Variants in ADIPOR1 observed in about 807,000 individuals in gnomAD.
The protein encoded by ADIPOR1 is adiponectin receptor 1.
In ADIPOR1, 15 loss-of-function variants were observed where a neutral mutation model predicts 37.5. That is an observed-to-expected ratio of 0.40 (90% CI 0.27 to 0.62). The LOEUF (loss-of-function observed/expected upper bound fraction) is 0.62, where lower values mean the gene tolerates loss of function less well. Ranked by LOEUF, ADIPOR1 falls within the 20% of genes least tolerant of loss-of-function variation. ADIPOR1 has a pLI of 0.42. For missense variants in ADIPOR1, 286 were observed against 478.0 expected (o/e 0.60, Z 3.75); for synonymous variants, 173 against 173.2 (o/e 1.00, Z 0.01).
intron 6 of ADIPOR1, 49 bp downstream of exon 6, chr1:202,943,709 G>A: frequency 6.3e-7 from 1 of 1,584,076 alleles, no homozygotes; most frequent in South Asian, 1.1e-5. Flanking sequence ...GAGCCTATCA[G>A]GCCTAAGGTC....
intron 2 of ADIPOR1, among the ~76,000 whole-genome samples, chr1:202,949,579 C>CAAAA (rs57643319): frequency 1.2e-4 from 12 of 99,086 alleles, no homozygotes; most frequent in African/African-American, 2.2e-4. Flanking sequence ...ACTCTGTCTC[C>CAAAA]AAAAAAAAAA....
At chr1:202,942,789 T>C (rs1654148142) in intron 6 of ADIPOR1, among the ~76,000 whole-genome samples, 1 of 152,184 alleles carries the variant, frequency 6.6e-6, no homozygotes, top group Admixed American at 6.5e-5. Context: ...TAAATACCTT[T>C]GTTTAAGCAC....
chr1:202,956,123 A>G (rs1464881553), intron 1 of ADIPOR1, among the ~76,000 whole-genome samples: 1 of 152,250 alleles, frequency 6.6e-6, no homozygotes. Flanking sequence ...AACTTTTAGC[A>G]TGGTGAGAGG....
At chr1:202,950,088 G>A (rs1467969148) in intron 2 of ADIPOR1, among the ~76,000 whole-genome samples, 6 of 151,924 alleles carry the variant, frequency 3.9e-5, no homozygotes, top group Non-Finnish European at 8.8e-5. Flanking sequence ...TCAGCCTCCC[G>A]AGTAGCTGGG....
chr1:202,941,419 G>T lies in ADIPOR1; in HGVS notation c.*154C>A. On this transcript the variant is annotated 3_prime_UTR_variant, in exon 8 of 8. Transcript: ENST00000340990. Reference sequence around the variant, plus strand: ...GGAAATGGAAAGTTTATTGCCCAGTGGGTGTGAAAGTGGGCTGAAGCTTGG... The same window carrying T: ...GGAAATGGAAAGTTTATTGCCCAGTTGGTGTGAAAGTGGGCTGAAGCTTGG... The T allele has an allele frequency of 3.5e-6, 3 of 859,340 alleles. No individual in the cohort carries two copies. Among genetic ancestry groups the T allele is most frequent in the Non-Finnish European group, 5.1e-6 (3 of 592,774 alleles). The allele number at this position is 859,340 out of a possible 1,614,324, so 53.2% of individuals were successfully genotyped here.
chr1:202,949,107 G>A (rs1340429032), intron 2 of ADIPOR1, among the ~76,000 whole-genome samples: 3 of 151,464 alleles, frequency 2.0e-5, no homozygotes, highest in South Asian at 2.1e-4. Context: ...TCAAAACAAC[G>A]AAAAAGACAC....
Position 202,947,522 on chromosome 1 carries a change from A to AATAT in ADIPOR1, c.258+778_258+781dup, listed in dbSNP as rs557101134. Reference sequence around the variant, plus strand: ...CAAGAGCAAAACTCTGTCTCAAAAAAATATATATATATATATGGTACAACC... The same window carrying AATAT: ...CAAGAGCAAAACTCTGTCTCAAAAAAATATATATATATATATATATGGTACAACC... On this transcript the variant is annotated intron_variant, in intron 3 of 7. Coordinates refer to ENST00000340990, the MANE Select transcript of ADIPOR1 (RefSeq NM_015999.6). 5.3e-5 allele frequency among the ~76,000 whole-genome samples: 8 copies of AATAT among 150,782 alleles called. No individual in the cohort carries two copies. The South Asian group carries it at 1.3e-3, about 24-fold the overall frequency.
intron 1 of ADIPOR1, among the ~76,000 whole-genome samples, chr1:202,952,480 T>C: frequency 6.6e-6 from 1 of 152,224 alleles, no homozygotes; most frequent in East Asian, 1.9e-4. Context: ...AGTTCTTTTT[T>C]ATCTAAGAGT....
At position 202,948,418 on chromosome 1, in the gene ADIPOR1, A is replaced by G. The variant is rs2102488106; in HGVS notation, c.144T>C (p.Ala48=). 1.9e-6 allele frequency: 3 copies of G among 1,613,538 alleles called. No individual in the cohort carries two copies. Among genetic ancestry groups the G allele is most frequent in the Non-Finnish European group, 2.5e-6 (3 of 1,179,588 alleles). ...GCACTGGGCATGTTTGCTCTTCTTC[A>G]GCCTATGGGGGAAAAAACCCACAAC... ...GKRVIANPPK[A]EEEQTCPVPQ... is the part of the protein sequence containing the mutation. The change falls in exon 3 of 8, where the codon GCT becomes GCC. Residue 48 remains alanine, a splice_region_variant and synonymous_variant. Coordinates refer to ENST00000340990, the MANE Select transcript of ADIPOR1 (RefSeq NM_015999.6).
Position 202,945,020 on chromosome 1 carries a change from A to G in ADIPOR1, c.580T>C (p.Tyr194His). Residue 194 changes from tyrosine to histidine, a missense_variant, in exon 5 of 8, where the codon TAT becomes CAT. Coordinates refer to ENST00000340990, the MANE Select transcript of ADIPOR1 (RefSeq NM_015999.6). ...CGAGAGACTTTCTCTGAATGACAAT[A>G]GACGGTGTGAAAGAGCCAGGAGAAG... ...LSFSWLFHTV[Y>H]CHSEKVSRTF... 6.2e-7 allele frequency: 1 copy of G among 1,613,682 alleles called. No homozygotes were observed. Among genetic ancestry groups the G allele is most frequent in the Non-Finnish European group, 8.5e-7 (1 of 1,179,906 alleles).
In ADIPOR1 at chr1:202,941,425, G is replaced by A; in HGVS notation, c.*148C>T. ...GGAAAGTTTATTGCCCAGTGGGTGT[G>A]AAAGTGGGCTGAAGCTTGGTTGGTA... On this transcript the variant is annotated 3_prime_UTR_variant, in exon 8 of 8. Coordinates refer to ENST00000340990, the MANE Select transcript of ADIPOR1 (RefSeq NM_015999.6). The A allele has an allele frequency of 1.0e-6, 1 of 986,444 alleles. No homozygotes were observed. The highest frequency in any genetic ancestry group is 1.4e-6 in the Non-Finnish European group (1 of 702,054). The allele number at this position is 986,444 out of a possible 1,614,324, so 61.1% of individuals were successfully genotyped here. A position where few individuals can be genotyped will look rare whatever the true frequency, so the allele number is the denominator to read the frequency against.
intron 1 of ADIPOR1, among the ~76,000 whole-genome samples, chr1:202,956,503 T>G (rs1216859352): frequency 6.6e-6 from 1 of 152,200 alleles, no homozygotes; most frequent in African/African-American, 2.4e-5. Context: ...AAATGGTTGT[T>G]GGCCTCTAAA....
chr1:202,941,780 T>C, intron 7 of ADIPOR1, 79 bp from the exon 8 acceptor site: 1 of 1,528,380 alleles, frequency 6.5e-7, no homozygotes, highest in Non-Finnish European at 8.8e-7. Context: ...CATTTGCTTC[T>C]TCTAGTTTAT....
chr1:202,952,635 G>A (rs776219387), intron 1 of ADIPOR1, among the ~76,000 whole-genome samples: 1 of 152,100 alleles, frequency 6.6e-6, no homozygotes, highest in African/African-American at 2.4e-5. Context: ...TCCTGCCTTG[G>A]GATTCCGGGA....
Position 202,941,468 on chromosome 1 carries a change from T to C in ADIPOR1, c.*105A>G. The C allele has an allele frequency of 8.6e-6, 12 of 1,399,170 alleles. No individual in the cohort carries two copies. The highest frequency in any genetic ancestry group is 1.1e-5 in the Non-Finnish European group (11 of 1,045,752). The allele number at this position is 1,399,170 out of a possible 1,614,324, so 86.7% of individuals were successfully genotyped here. Reference sequence around the variant, plus strand: ...GGTTGGTACTGAATTCTCTAAGAGGTTTCTTCTAGAAACAGACAACTCAGA... The same window carrying C: ...GGTTGGTACTGAATTCTCTAAGAGGCTTCTTCTAGAAACAGACAACTCAGA... On this transcript the variant is annotated 3_prime_UTR_variant, in exon 8 of 8. Coordinates refer to ENST00000340990, the MANE Select transcript of ADIPOR1 (RefSeq NM_015999.6).
chr1:202,956,972 T>A (rs1654810546), intron 1 of ADIPOR1, among the ~76,000 whole-genome samples: 1 of 152,244 alleles, frequency 6.6e-6, no homozygotes. Flanking sequence ...TGCGGAGGTC[T>A]ACCATAACAT....
chr1:202,943,920 G>C lies in ADIPOR1; in HGVS notation c.643C>G (p.Leu215Val), dbSNP rs772408783. Reference sequence around the variant, plus strand: ...CAGGGGACAAAGCTCCCCATAATTAGAAGAGCAATCCCTGAATAGTCCAGT... The same window carrying C: ...CAGGGGACAAAGCTCCCCATAATTACAAGAGCAATCCCTGAATAGTCCAGT... Reference protein sequence around the residue: ...SKLDYSGIALLIMGSFVPWLY... With the variant: ...SKLDYSGIALVIMGSFVPWLY... The change falls in exon 6 of 8, where the codon CTA becomes GTA. Residue 215 changes from leucine (L) to valine (V), a missense_variant. Transcript: ENST00000340990. 1 of 1,613,740 alleles carries C rather than the reference G, an allele frequency of 6.2e-7. No individual in the cohort carries two copies. Among genetic ancestry groups the C allele is most frequent in the South Asian group, 1.1e-5 (1 of 91,012 alleles).
Position 202,957,527 on chromosome 1 carries a change from A to C in ADIPOR1, c.-95+658T>G, listed in dbSNP as rs533349306. 2.6e-5 allele frequency among the ~76,000 whole-genome samples: 4 copies of C among 152,200 alleles called. No individual in the cohort carries two copies. In the East Asian group the frequency reaches 5.8e-4, roughly 22 times the overall value. ...AAGGCTTGAAGACCAAAATTCTCAA[A>C]CAGAAGATAGAATACATCAATCCTA... On this transcript the variant is annotated intron_variant, in intron 1 of 7. Transcript: ENST00000340990.
At chr1:202,951,233 T>A (rs1654570832) in intron 1 of ADIPOR1, 69 bp from the exon 2 acceptor site, 6 of 772,734 alleles carry the variant, frequency 7.8e-6, no homozygotes, top group Admixed American at 3.0e-5. Flanking sequence ...TATACTCTAA[T>A]ACTGAATAAG....
Sources: gnomAD v4.1 joint callset for allele counts (sites outside exome capture counted in the v4.1 genomes callset) on GRCh38, gnomAD v4.1.1 for gene constraint, MANE v1.5 for transcripts, NCBI Gene and HGNC (gene_info 2026-07-23, HGNC 2026-07-21) for gene names.